The following CAMTA1 variants were observed in gnomAD, a reference collection of about 807,000 sequenced individuals.
CAMTA1 encodes calmodulin binding transcription activator 1.
CAMTA1 carries 27 observed loss-of-function variants against 170.9 expected under a neutral mutation model. The observed-to-expected ratio is 0.16, with a 90% CI of 0.12 to 0.22. The LOEUF is 0.22. Among genes scored for constraint, CAMTA1 ranks in the 10% least tolerant of loss-of-function variants. CAMTA1 has a pLI of 1.00. For missense variants in CAMTA1, 1,619 were observed against 2,217.2 expected, an observed-to-expected ratio of 0.73 and a Z score of 5.42; for synonymous variants, 833 against 891.5, an observed-to-expected ratio of 0.93 and a Z score of 1.17.
chr1:6,926,458 TTCTTTCTTTCTTTCTTTC>T (rs1683200647), intron 3 of CAMTA1, among the ~76,000 whole-genome samples: 2 of 134,232 alleles, frequency 1.5e-5, no homozygotes, highest in African/African-American at 6.9e-5. Flanking sequence ...CTTTCTTTCT[TTCTTTCTTTCTTTCTTTC>T]TTTCTTTCTT....
intron 3 of CAMTA1, among the ~76,000 whole-genome samples, chr1:7,089,985 A>G (rs898744149): frequency 1.3e-5 from 2 of 152,344 alleles, no homozygotes; most frequent in South Asian, 4.1e-4. Context: ...GCAGTCAGTG[A>G]TAGAAACTTG....
intron 11 of CAMTA1, among the ~76,000 whole-genome samples, chr1:7,727,656 C>T (rs2096700520): frequency 1.3e-5 from 2 of 152,162 alleles, no homozygotes; most frequent in Admixed American, 6.5e-5. Flanking sequence ...AATTGTATTC[C>T]CTATATCCCG....
rs900468171 is a variant in CAMTA1 at position 7,435,548 on chromosome 1, G to T, written c.439-32282G>T. 1.3e-5 allele frequency among the ~76,000 whole-genome samples: 2 copies of T among 152,202 alleles called. No homozygotes were observed. The highest frequency in any genetic ancestry group is 2.9e-5 in the Non-Finnish European group (2 of 68,036). ...GAGCAACCGGCAGTGGGCTCTTCAG[G>T]GTTCTCAGCCTGGTTCACTGTGGTG... On this transcript the variant is annotated intron_variant, in intron 5 of 22. Transcript: ENST00000303635. This position sits in a 1 kb window ranked among gnomAD's most constrained non-coding sequence, Gnocchi z 4.4.
rs149349076 is a variant in CAMTA1, at chr1:7,251,235, C to T, written c.438+1609C>T. ...TCTTCCTCAGCAGCAGCTGAGAAGCCGAGGGGAGAAAACAACCCACAGTGT... is the reference window on the plus strand; with the variant it reads ...TCTTCCTCAGCAGCAGCTGAGAAGCTGAGGGGAGAAAACAACCCACAGTGT... On this transcript the variant is annotated intron_variant, in intron 5 of 22. Transcript: ENST00000303635. This position sits in a 1 kb window ranked among gnomAD's most constrained non-coding sequence, Gnocchi z 5.1. 0.014 allele frequency among the ~76,000 whole-genome samples: 2,153 copies of T among 152,246 alleles called. 26 individuals carry two copies. The highest frequency in any genetic ancestry group is 0.014 in the Non-Finnish European group (979 of 68,018).
At chr1:7,009,520 C>T (rs774987286) in intron 3 of CAMTA1, among the ~76,000 whole-genome samples, 18 of 152,180 alleles carry the variant, frequency 1.2e-4, no homozygotes, top group Non-Finnish European at 2.4e-4. Flanking sequence ...GCCAGGGCTG[C>T]CAGGCCTGTT....
At chr1:6,809,263 G>A (rs553653891) in intron 1 of CAMTA1, among the ~76,000 whole-genome samples, 4 of 152,180 alleles carry the variant, frequency 2.6e-5, no homozygotes, top group African/African-American at 9.6e-5. Flanking sequence ...CTGACCTCAG[G>A]TGATCCGCTC....
rs2095775937 is a variant in CAMTA1 at position 7,642,921 on chromosome 1, T to C, written c.664+2368T>C. The stretch of plus-strand genomic sequence containing the variant: ...GAGGCTGCCAGCCTGTCCCATTTCT[T>C]GGGAGGTGGAGTCACTCCAGAGGGC... On this transcript the variant is annotated intron_variant, in intron 7 of 22. Coordinates refer to ENST00000303635, the MANE Select transcript of CAMTA1 (RefSeq NM_015215.4). The surrounding 1 kb of genome is among the most constrained non-coding windows in gnomAD (Gnocchi z 6.3). Among the ~76,000 whole-genome samples, 1 of 152,182 alleles carries C rather than the reference T, an allele frequency of 6.6e-6. No individual in the cohort carries two copies. Among genetic ancestry groups the C allele is most frequent in the African/African-American group, 2.4e-5 (1 of 41,440 alleles).
rs748974020 is a variant in CAMTA1 at position 7,744,878 on chromosome 1, C to T, written c.4226C>T (p.Pro1409Leu). Residue 1409 changes from proline (P) to leucine (L), a missense_variant, in exon 17 of 23, where the codon CCT becomes CTT. Physicochemically the swap from Pro to Leu is moderately conservative, Grantham distance 98. Around this residue, in one of 8 missense-constraint regions of CAMTA1, gnomAD observed 370 missense variants for 429.4 expected, o/e 0.86. Transcript: ENST00000303635. ...GCAGAACACATTATTGAAGCCACAC[C>T]TGACCGAATCAAGCAGGAGAATTTT... ...TLAEHIIEATPDRIKQENFVP... is the reference protein window; with the variant it reads ...TLAEHIIEATLDRIKQENFVP... The T allele has an allele frequency of 5.0e-6, 8 of 1,613,912 alleles. No homozygotes were observed. The highest frequency in any genetic ancestry group is 6.8e-6 in the Non-Finnish European group (8 of 1,180,024).
intron 3 of CAMTA1, among the ~76,000 whole-genome samples, chr1:7,035,701 G>A (rs938505768): frequency 6.6e-6 from 1 of 152,186 alleles, no homozygotes; most frequent in South Asian, 2.1e-4. Flanking sequence ...AAGGATGCCC[G>A]AAGGGTCTGC....
intron 16 of CAMTA1, among the ~76,000 whole-genome samples, chr1:7,739,680 C>G (rs1299975390): frequency 6.6e-6 from 1 of 152,182 alleles, no homozygotes; most frequent in Non-Finnish European, 1.5e-5. Flanking sequence ...ATAAAACCAT[C>G]AGATCTCAAG....
chr1:6,933,354 G>T (rs576867849), intron 3 of CAMTA1, among the ~76,000 whole-genome samples: 1 of 152,186 alleles, frequency 6.6e-6, no homozygotes, highest in African/African-American at 2.4e-5. Flanking sequence ...CCACCTCCCA[G>T]GTTCAAGTGA....
At chr1:7,573,817 G>A (rs946695844) in intron 6 of CAMTA1, among the ~76,000 whole-genome samples, 6 of 151,996 alleles carry the variant, frequency 3.9e-5, no homozygotes, top group South Asian at 4.1e-4. Flanking sequence ...TCTGTTGCCC[G>A]GGCTGGAGTG....
intron 5 of CAMTA1, among the ~76,000 whole-genome samples, chr1:7,252,796 T>C (rs1450227317): frequency 6.6e-6 from 1 of 152,184 alleles, no homozygotes; most frequent in East Asian, 1.9e-4. Flanking sequence ...ATGATAAAGA[T>C]ATTTGGATCT....
intron 18 of CAMTA1, among the ~76,000 whole-genome samples, chr1:7,747,136 C>T (rs1237550254): frequency 6.6e-6 from 1 of 152,068 alleles, no homozygotes; most frequent in African/African-American, 2.4e-5. Flanking sequence ...AATGATAATG[C>T]GTATTATTCA....
intron 5 of CAMTA1, among the ~76,000 whole-genome samples, chr1:7,376,741 C>T (rs959776446): frequency 2.6e-5 from 4 of 152,138 alleles, no homozygotes; most frequent in Non-Finnish European, 5.9e-5. Context: ...TGGCTCTGTC[C>T]GACGTCTTCC....
At position 7,608,173 on chromosome 1, in the gene CAMTA1, C is replaced by T. The variant is rs115596179; in HGVS notation, c.511-32227C>T. On this transcript the variant is annotated intron_variant, in intron 6 of 22. Transcript: ENST00000303635. ...GGCTTCAGACCTTGGCTCTCCTGCCCGCTCCTCTGACTGAGCTCTCAGATG... is the reference window on the plus strand; with the variant it reads ...GGCTTCAGACCTTGGCTCTCCTGCCTGCTCCTCTGACTGAGCTCTCAGATG... 5.1e-3 allele frequency among the ~76,000 whole-genome samples: 782 copies of T among 152,288 alleles called. 5 individuals are homozygous for T. The highest frequency in any genetic ancestry group is 0.018 in the African/African-American group (737 of 41,560).
At position 6,970,848 on chromosome 1, in the gene CAMTA1, C is replaced by G. The variant is rs555374906; in HGVS notation, c.235-120456C>G. 6.6e-6 allele frequency among the ~76,000 whole-genome samples: 1 copy of G among 152,244 alleles called. No individual in the cohort carries two copies. Among genetic ancestry groups the G allele is most frequent in the South Asian group, 2.1e-4 (1 of 4,824 alleles). On this transcript the variant is annotated intron_variant, in intron 3 of 22. Coordinates refer to ENST00000303635, the MANE Select transcript of CAMTA1 (RefSeq NM_015215.4). The surrounding 1 kb of genome is among the most constrained non-coding windows in gnomAD (Gnocchi z 4.4). ...TCAGGAGAATGAACAGCCAGGTGTT[C>G]CCTGAGGCCAGTGGTAGTGTCTGCA... is the stretch of plus-strand genomic sequence containing the variant.
intron 6 of CAMTA1, among the ~76,000 whole-genome samples, chr1:7,591,919 A>T (rs2095358362): frequency 6.6e-6 from 1 of 152,068 alleles, no homozygotes; most frequent in African/African-American, 2.4e-5. Context: ...TTATTTTGAG[A>T]TGGAGTTTCG....
intron 4 of CAMTA1, among the ~76,000 whole-genome samples, chr1:7,239,761 G>C (rs1479445379): frequency 2.7e-5 from 4 of 148,314 alleles, no homozygotes; most frequent in African/African-American, 1.0e-4. Context: ...AAGTTTACTT[G>C]GCTCATGGTT....
Sources: gnomAD v4.1 joint callset for allele counts (sites outside exome capture counted in the v4.1 genomes callset) on GRCh38, gnomAD v4.1.1 for gene constraint, gnomAD v4.1.1 regional missense constraint, Gnocchi (gnomAD v3.1) non-coding constraint, MANE v1.5 for transcripts, NCBI Gene and HGNC (gene_info 2026-07-23, HGNC 2026-07-21) for gene names.